Variants in PLXND1 observed in about 807,000 individuals in gnomAD.
PLXND1 encodes the protein plexin-D1.
A neutral mutation model predicts 197.7 loss-of-function variants in PLXND1; 54 were observed. The ratio of observed to expected loss-of-function variants is 0.27; its 90% confidence interval spans 0.22 to 0.34. The LOEUF (loss-of-function observed/expected upper bound fraction) is 0.34. Among genes scored for constraint, PLXND1 ranks in the 10% least tolerant of loss-of-function variants. The probability of loss-of-function intolerance (pLI) is 1.00; values close to 1 mark genes in which losing one functional copy is unlikely to be tolerated. For synonymous variants in PLXND1, 1,180 were observed against 1,161.2 expected (o/e 1.02, Z -0.33); for missense variants, 2,127 against 2,699.2 (o/e 0.79, Z 4.70).
At chr3:129,588,681 T>C (rs1443116208) in intron 2 of PLXND1, among the ~76,000 whole-genome samples, 2 of 152,232 alleles carry the variant, frequency 1.3e-5, no homozygotes, top group Non-Finnish European at 2.9e-5. Context: ...GCGCTTAGCT[T>C]AGTCTCCCAA....
At chr3:129,562,362 T>A (rs2085074249) in intron 27 of PLXND1, 1 of 227,218 alleles carries the variant, frequency 4.4e-6, no homozygotes, top group South Asian at 7.9e-5. Flanking sequence ...AAAGTAAAAT[T>A]AGCTGGATGT....
At chr3:129,570,213 G>T (rs781528517) in intron 19 of PLXND1, among the ~76,000 whole-genome samples, 1 of 152,164 alleles carries the variant, frequency 6.6e-6, no homozygotes, top group Non-Finnish European at 1.5e-5. Flanking sequence ...TACAGCCTGG[G>T]AGGAGTAGTG....
intron 8 of PLXND1, among the ~76,000 whole-genome samples, chr3:129,581,266 G>A (rs917137213): frequency 4.6e-5 from 7 of 152,176 alleles, no homozygotes; most frequent in Non-Finnish European, 7.3e-5. Context: ...CCTCCTGCAC[G>A]CCCGGGGCAG....
chr3:129,605,841 T>C lies in PLXND1; in HGVS notation c.799A>G (p.Ile267Val), dbSNP rs1199445567. The part of the protein sequence containing the change: ...LNPSDDNILK[I>V]KQGAKEQHKL... The stretch of plus-strand genomic sequence containing the variant: ...TGCTGCTCCTTGGCGCCCTGCTTGA[T>C]CTTGAGGATGTTGTCGTCGGAGGGG... The change falls in exon 1 of 36, where the codon ATC (isoleucine) becomes GTC (valine). Residue 267 changes from isoleucine (I) to valine (V), a missense_variant. Physicochemically the swap from Ile to Val is conservative, Grantham distance 29. Coordinates refer to ENST00000324093, the MANE Select transcript of PLXND1 (RefSeq NM_015103.3). The C allele has an allele frequency of 3.7e-6, 6 of 1,612,790 alleles. No individual in the cohort carries two copies. In the African/African-American group the frequency reaches 4.0e-5, roughly 11 times the overall value.
Position 129,575,855 on chromosome 3 carries a change from C to T in PLXND1, c.2347G>A (p.Gly783Ser), listed in dbSNP as rs1265245359. The T allele has an allele frequency of 1.2e-6, 2 of 1,606,562 alleles. No individual in the cohort carries two copies. The highest frequency in any genetic ancestry group is 2.2e-5 in the South Asian group (2 of 90,724). Residue 783 changes from glycine (G) to serine (S), a missense_variant and splice_region_variant, in exon 10 of 36, where the codon GGT (glycine) becomes AGT (serine). Gly to Ser is a moderately conservative substitution (Grantham distance 56). Around this residue, in one of 6 missense-constraint regions of PLXND1, gnomAD observed 1,095 missense variants for 1,259.8 expected, o/e 0.87. Coordinates refer to ENST00000324093, the MANE Select transcript of PLXND1 (RefSeq NM_015103.3). ...VPLANTAFFQ[G>S]AALECSFGLE... ...CCAAAACTACACTCCAGGGCTGCAC[C>T]CTGTGGGAAACAGGGAGTGGGAGGC...
chr3:129,605,904 G>A lies in PLXND1; in HGVS notation c.736C>T (p.Arg246Cys), dbSNP rs201381915. 34 of 1,613,294 alleles carry A rather than the reference G, an allele frequency of 2.1e-5. No homozygotes were observed. The highest frequency in any genetic ancestry group is 1.6e-4 in the Middle Eastern group (1 of 6,082). ...PEIAIRSLDT[R>C]GDLAKLFTFD... ...GTGAAGAGCTTGGCCAGGTCGCCGC[G>A]CGTGTCCAGGGAGCGGATGGCGATC... The change falls in exon 1 of 36, where the codon CGC becomes TGC. Residue 246 changes from arginine (R) to cysteine (C), a missense_variant. Physicochemically the swap from Arg to Cys is radical, Grantham distance 180. Coordinates refer to ENST00000324093, the MANE Select transcript of PLXND1 (RefSeq NM_015103.3).
At position 129,586,210 on chromosome 3, in the gene PLXND1, C is replaced by T. The variant is rs756224333; in HGVS notation, c.1683G>A (p.Ala561=). Reference sequence around the variant, plus strand: ...CACACCAGCCGCAGTAGGCGTCCGCCGCACCCACGCAGTCCCCACAGGTGG... The same window carrying T: ...CACACCAGCCGCAGTAGGCGTCCGCTGCACCCACGCAGTCCCCACAGGTGG... ...VHSTCGDCVG[A]ADAYCGWCAL... Residue 561 remains alanine, a synonymous_variant, in exon 4 of 36, where the codon GCG becomes GCA. Coordinates refer to ENST00000324093, the MANE Select transcript of PLXND1 (RefSeq NM_015103.3). 39 of 1,602,970 alleles carry T rather than the reference C, an allele frequency of 2.4e-5. No individual in the cohort carries two copies. Among genetic ancestry groups the T allele is most frequent in the Admixed American group, 1.3e-4 (8 of 59,636 alleles).
At chr3:129,589,310 T>TGGCCCCCCCCCCCCCCCCC in intron 2 of PLXND1, 41 bp downstream of exon 2, 18 of 501,286 alleles carry the variant, frequency 3.6e-5, no homozygotes, top group East Asian at 2.0e-4. Flanking sequence ...CAGGGGAGCC[T>TGGCCCCCCCCCCCCCCCCC]CCCACCCCCA....
Position 129,556,609 on chromosome 3 carries a change from G to A in PLXND1, c.5661+8C>T, listed in dbSNP as rs936838231. 3 of 1,604,006 alleles carry A rather than the reference G, an allele frequency of 1.9e-6. No individual in the cohort carries two copies. Among genetic ancestry groups the A allele is most frequent in the Non-Finnish European group, 1.7e-6 (2 of 1,171,708 alleles). On this transcript the variant is annotated splice_region_variant and intron_variant, in intron 35 of 35. Transcript: ENST00000324093. ...CCGAGGGCAGGTGCCTCACCCTGGGGCACTCACCTGCGGCCGATACCTCTT... is the reference window on the plus strand; with the variant it reads ...CCGAGGGCAGGTGCCTCACCCTGGGACACTCACCTGCGGCCGATACCTCTT...
chr3:129,560,190 C>T lies in PLXND1; in HGVS notation c.5133+140G>A, dbSNP rs188505089. 374 of 629,422 alleles carry T rather than the reference C, an allele frequency of 5.9e-4. 2 individuals are homozygous for T. The African/African-American group carries it at 6.4e-3, about 11-fold the overall frequency. The allele number at this position is 629,422 out of a possible 1,614,324, so 39.0% of individuals were successfully genotyped here. The stretch of plus-strand genomic sequence containing the variant: ...CTAAGCCTTCAGCCTCTTGCCCCTC[C>T]AGCCCCACAGGGGAAACAGGAAGAA... On this transcript the variant is annotated intron_variant, in intron 31 of 35. Transcript: ENST00000324093.
At chr3:129,584,042 C>A in intron 7 of PLXND1, 83 bp downstream of exon 7, 1 of 858,682 alleles carries the variant, frequency 1.2e-6, no homozygotes, top group South Asian at 1.4e-5. Context: ...TTTTTCTTCT[C>A]AGGGCCCCCT....
At position 129,584,126 on chromosome 3, in the gene PLXND1, C is replaced by T. The variant is rs1245986370; in HGVS notation, c.2137G>A (p.Ala713Thr). 6.4e-7 allele frequency: 1 copy of T among 1,553,874 alleles called. No individual in the cohort carries two copies. Among genetic ancestry groups the T allele is most frequent in the Admixed American group, 1.9e-5 (1 of 51,508 alleles). The change falls in exon 7 of 36, where the codon GCC (alanine) becomes ACC (threonine). Residue 713 changes from alanine (A) to threonine (T), a missense_variant and splice_region_variant. Transcript: ENST00000324093. Reference sequence around the variant, plus strand: ...AGGCAAGCCACCCAAGCCACTCACGCTGTGTGGGGGTACACTTGTGCAGTG... The same window carrying T: ...AGGCAAGCCACCCAAGCCACTCACGTTGTGTGGGGGTACACTTGTGCAGTG... The part of the protein sequence containing the change: ...SRTAQVYPHT[A>T]CTSCLSAQWP...
Position 129,558,867 on chromosome 3 carries a change from C to T in PLXND1, c.5298-292G>A, listed in dbSNP as rs928895655. 2.2e-4 allele frequency among the ~76,000 whole-genome samples: 33 copies of T among 152,258 alleles called. No individual in the cohort carries two copies. The highest frequency in any genetic ancestry group is 7.7e-4 in the African/African-American group (32 of 41,556). ...CCTGGTTCTCATTAGAACCAGGTGC[C>T]GGCCCCCGGGCACCCCTGGCTCCTC... On this transcript the variant is annotated intron_variant, in intron 32 of 35. Transcript: ENST00000324093. This position sits in a 1 kb window ranked among gnomAD's most constrained non-coding sequence, Gnocchi z 4.1.
Position 129,586,723 on chromosome 3 carries a change from TG to T in PLXND1, c.1489-5del. ...GCATGCTCTCGTTCAGGTTGATCTG[TG>T]GGGGTAGTGGGCATCAGGGTGCTGG... On this transcript the variant is annotated splice_polypyrimidine_tract_variant and splice_region_variant and intron_variant, in intron 2 of 35. Coordinates refer to ENST00000324093, the MANE Select transcript of PLXND1 (RefSeq NM_015103.3). 6.3e-7 allele frequency: 1 copy of T among 1,599,346 alleles called. No homozygotes were observed. Among genetic ancestry groups the T allele is most frequent in the Non-Finnish European group, 8.5e-7 (1 of 1,172,660 alleles).
At position 129,572,738 on chromosome 3, in the gene PLXND1, A is replaced by G; in HGVS notation, c.2948T>C (p.Val983Ala). ...GCCCATGGTAGGCTCCAGGGAGTGG[A>G]CCAGGGGCAGCTGTGGGAGGAAGGC... ...RDRFSYVLPLVHSLEPTMGPK... is the reference protein window; with the variant it reads ...RDRFSYVLPLAHSLEPTMGPK... The change falls in exon 15 of 36, where the codon GTC (valine) becomes GCC (alanine). Residue 983 changes from valine to alanine, a missense_variant. By Grantham distance (64) the Val-to-Ala change is moderately conservative. Coordinates refer to ENST00000324093, the MANE Select transcript of PLXND1 (RefSeq NM_015103.3). 1 of 1,598,638 alleles carries G rather than the reference A, an allele frequency of 6.3e-7. No homozygotes were observed. The highest frequency in any genetic ancestry group is 8.5e-7 in the Non-Finnish European group (1 of 1,170,616).
At chr3:129,592,632 G>A (rs1362094084) in intron 1 of PLXND1, among the ~76,000 whole-genome samples, 4 of 148,286 alleles carry the variant, frequency 2.7e-5, no homozygotes, top group Non-Finnish European at 6.0e-5. Context: ...CCCACCCCGC[G>A]CTGACTTTCA....
At chr3:129,581,035 A>C (rs2085380244) in intron 8 of PLXND1, among the ~76,000 whole-genome samples, 1 of 151,886 alleles carries the variant, frequency 6.6e-6, no homozygotes, top group Non-Finnish European at 1.5e-5. Flanking sequence ...AGCATCCTCC[A>C]CTTTGCACAT....
Position 129,606,135 on chromosome 3 carries a change from G to A in PLXND1, c.505C>T (p.Pro169Ser). 1 of 1,509,658 alleles carries A rather than the reference G, an allele frequency of 6.6e-7. No homozygotes were observed. The highest frequency in any genetic ancestry group is 8.8e-7 in the Non-Finnish European group (1 of 1,136,462). 93.5% of individuals were successfully genotyped at this position (1,509,658 alleles called of 1,614,324 possible). ...VAVRFPPAAP[P>S]AEPVTVFPSM... ...GGGAACACCGTGACGGGCTCGGCGG[G>A]CGGCGCGGCGGGCGGGAAGCGCACG... Residue 169 changes from proline to serine, a missense_variant, in exon 1 of 36, where the codon CCC becomes TCC. By Grantham distance (74) the Pro-to-Ser change is moderately conservative. Coordinates refer to ENST00000324093, the MANE Select transcript of PLXND1 (RefSeq NM_015103.3).
Position 129,605,268 on chromosome 3 carries a change from C to A in PLXND1, c.1311+61G>T, listed in dbSNP as rs1399724193. ...GCTCACGACCCGCTCGGTTCCCGCC[C>A]GCCCCCGCCCCCGCCCCCGCCGCCG... is the stretch of plus-strand genomic sequence containing the variant. On this transcript the variant is annotated intron_variant, in intron 1 of 35. Coordinates refer to ENST00000324093, the MANE Select transcript of PLXND1 (RefSeq NM_015103.3). The A allele has an allele frequency of 1.1e-5, 5 of 471,812 alleles. No homozygotes were observed. In the East Asian group the frequency reaches 1.7e-4, roughly 16 times the overall value. 29.2% of individuals were successfully genotyped at this position (471,812 alleles called of 1,614,324 possible).
Sources: allele counts gnomAD v4.1 joint callset (sites outside exome capture counted in the v4.1 genomes callset), GRCh38; gene constraint gnomAD v4.1.1; regional missense constraint gnomAD v4.1.1; non-coding constraint Gnocchi (gnomAD v3.1); transcripts MANE v1.5; gene names NCBI Gene and HGNC (gene_info 2026-07-23, HGNC 2026-07-21).